KIAA0825: variants seen among roughly 807,000 people sequenced by gnomAD.
KIAA0825 encodes KIAA0825.
In KIAA0825, 119 loss-of-function variants were observed where a neutral mutation model predicts 147.6. The ratio of observed to expected loss-of-function variants is 0.81; its 90% CI spans 0.69 to 0.94. The LOEUF (loss-of-function observed/expected upper bound fraction) is 0.94. Ranked by LOEUF, KIAA0825 falls within the 40% of genes least tolerant of loss-of-function variation. KIAA0825 has a pLI of 0.00. For missense variants in KIAA0825, 1,381 were observed against 1,472.7 expected (o/e 0.94, Z 1.02); for synonymous variants, 470 against 518.1 (o/e 0.91, Z 1.26).
intron 15 of KIAA0825, among the ~76,000 whole-genome samples, chr5:94,409,961 CAG>C (rs1361705302): frequency 6.6e-6 from 1 of 151,884 alleles, no homozygotes; most frequent in Admixed American, 6.5e-5. Flanking sequence ...AATTACCAGA[CAG>C]GGAAAGAAAT....
chr5:94,463,501 G>A (rs182511571), intron 11 of KIAA0825, among the ~76,000 whole-genome samples: 29 of 150,756 alleles, frequency 1.9e-4, no homozygotes, highest in African/African-American at 3.6e-4. Flanking sequence ...CTTTATAAAC[G>A]TTTAATTTTA....
chr5:94,163,269 C>A (rs958363595), intron 20 of KIAA0825, among the ~76,000 whole-genome samples: 1 of 152,136 alleles, frequency 6.6e-6, no homozygotes, highest in South Asian at 2.1e-4. Flanking sequence ...TAATTTAGGT[C>A]ACATATCACA....
chr5:94,448,310 G>C (rs1757979393), intron 13 of KIAA0825, among the ~76,000 whole-genome samples: 1 of 151,452 alleles, frequency 6.6e-6, no homozygotes, highest in Non-Finnish European at 1.5e-5. Context: ...TCTATTCCCA[G>C]GGTTCTAGGA....
intron 15 of KIAA0825, chr5:94,414,565 A>G (rs1196715917): frequency 1.3e-5 from 2 of 152,212 alleles, no homozygotes; most frequent in African/African-American, 4.8e-5. Context: ...TGTCCAGTCT[A>G]AAGAGTTATG....
chr5:94,435,377 C>T (rs1045059668), intron 14 of KIAA0825, among the ~76,000 whole-genome samples: 5 of 147,850 alleles, frequency 3.4e-5, no homozygotes. Context: ...TAAGTGAGAA[C>T]ATGTGGTATT....
chr5:94,249,790 G>T (rs1775852309), intron 20 of KIAA0825, among the ~76,000 whole-genome samples: 1 of 142,138 alleles, frequency 7.0e-6, no homozygotes, highest in Admixed American at 6.9e-5. Flanking sequence ...CCAATATTTT[G>T]CTCTGCTGGT....
At chr5:94,613,180 A>C (rs765700377) in intron 1 of KIAA0825, among the ~76,000 whole-genome samples, 1 of 152,128 alleles carries the variant, frequency 6.6e-6, no homozygotes, top group Non-Finnish European at 1.5e-5. Context: ...GGGATGCACT[A>C]AAGTTTGACC....
chr5:94,520,485 G>T lies in KIAA0825; in HGVS notation c.733C>A (p.Gln245Lys), dbSNP rs755366411. The T allele has an allele frequency of 1.9e-6, 3 of 1,612,742 alleles. No individual in the cohort carries two copies. In the Admixed American group the frequency reaches 5.0e-5, roughly 27 times the overall value. The change falls in exon 5 of 21, where the codon CAA (glutamine) becomes AAA (lysine). Residue 245 changes from glutamine (Q) to lysine (K), a missense_variant. By Grantham distance (53) the Gln-to-Lys change is moderately conservative (BLOSUM62 1). Transcript: ENST00000682413. Reference protein sequence around the residue: ...SNLDVIAHGYQSTMLKLYSVI... With the variant: ...SNLDVIAHGYKSTMLKLYSVI... ...GAGTATAACTTAAGCATTGTACTTTGATATCCATGAGCTATTACATCTAAA... is the reference window on the plus strand; with the variant it reads ...GAGTATAACTTAAGCATTGTACTTTTATATCCATGAGCTATTACATCTAAA...
intron 5 of KIAA0825, among the ~76,000 whole-genome samples, chr5:94,505,144 G>A (rs1684832922): frequency 6.6e-6 from 1 of 151,832 alleles, no homozygotes; most frequent in Non-Finnish European, 1.5e-5. Flanking sequence ...TGGATCACTT[G>A]AGGTCAGGAG....
At chr5:94,215,894 G>A (rs575655809) in intron 20 of KIAA0825, among the ~76,000 whole-genome samples, 5 of 152,108 alleles carry the variant, frequency 3.3e-5, no homozygotes, top group Admixed American at 2.0e-4. Flanking sequence ...CTCATGACCA[G>A]ACTTCCCTGA....
intron 15 of KIAA0825, among the ~76,000 whole-genome samples, chr5:94,406,471 C>T (rs1452213384): frequency 9.9e-5 from 15 of 152,186 alleles, no homozygotes; most frequent in Admixed American, 1.3e-4. Flanking sequence ...TTAATGAAGG[C>T]ATTGGCCTCC....
At chr5:94,241,450 G>T (rs1775339103) in intron 20 of KIAA0825, among the ~76,000 whole-genome samples, 1 of 152,110 alleles carries the variant, frequency 6.6e-6, no homozygotes, top group Non-Finnish European at 1.5e-5. Flanking sequence ...GTTCCCTCTT[G>T]TTCTTATTTT....
chr5:94,371,056 GC>G (rs1166317941), intron 20 of KIAA0825, among the ~76,000 whole-genome samples: 1 of 152,116 alleles, frequency 6.6e-6, no homozygotes, highest in Non-Finnish European at 1.5e-5. Flanking sequence ...TGGTGGGGGA[GC>G]GGGTGGGATA....
At chr5:94,450,549 T>G (rs1758273750) in intron 13 of KIAA0825, among the ~76,000 whole-genome samples, 1 of 152,060 alleles carries the variant, frequency 6.6e-6, no homozygotes, top group East Asian at 1.9e-4. Flanking sequence ...TGCTGCATCC[T>G]CACATGGCAG....
intron 14 of KIAA0825, among the ~76,000 whole-genome samples, chr5:94,439,372 A>T (rs575399171): frequency 6.6e-6 from 1 of 152,296 alleles, no homozygotes; most frequent in East Asian, 1.9e-4. Context: ...ATGTAATATT[A>T]TACTGACATA....
intron 10 of KIAA0825, among the ~76,000 whole-genome samples, chr5:94,465,591 G>A (rs13356678): frequency 3.3e-5 from 5 of 151,972 alleles, no homozygotes; most frequent in African/African-American, 1.2e-4. Context: ...GGTAACTATC[G>A]AATATTATTA....
intron 15 of KIAA0825, chr5:94,415,913 G>A (rs1355507955): frequency 6.6e-6 from 1 of 152,174 alleles, no homozygotes; most frequent in Non-Finnish European, 1.5e-5. Context: ...GATAAATAGT[G>A]ATTGAAGCAT....
chr5:94,352,181 C>T lies in KIAA0825; in HGVS notation c.3710+32187G>A, dbSNP rs1379765311. On this transcript the variant is annotated intron_variant, in intron 20 of 20. Transcript: ENST00000682413. ...CACAATCTATACATCTGACAAAGGA[C>T]TCATATCCAGAATTTACAAAGAACT... 7.2e-5 allele frequency among the ~76,000 whole-genome samples: 11 copies of T among 152,292 alleles called. No homozygotes were observed. In the East Asian group the frequency reaches 2.1e-3, roughly 29 times the overall value.
intron 20 of KIAA0825, among the ~76,000 whole-genome samples, chr5:94,299,965 A>AT (rs1283934521): frequency 6.6e-6 from 1 of 152,090 alleles, no homozygotes; most frequent in Admixed American, 6.6e-5. Context: ...AAAACAGACA[A>AT]TTGTGGGCAA....
Sources: allele counts gnomAD v4.1 joint callset (sites outside exome capture counted in the v4.1 genomes callset), GRCh38; gene constraint gnomAD v4.1.1; transcripts MANE v1.5; gene names NCBI Gene and HGNC (gene_info 2026-07-23, HGNC 2026-07-21).